Variants in NIBAN2 observed in about 807,000 individuals in gnomAD.
NIBAN2 encodes the protein protein Niban 2.
A neutral mutation model predicts 81.8 loss-of-function variants in NIBAN2; 36 were observed. That is an observed-to-expected ratio of 0.44 (90% confidence interval 0.34 to 0.58). The LOEUF (loss-of-function observed/expected upper bound fraction) is 0.58, where lower values mean the gene tolerates loss of function less well. Among genes scored for constraint, NIBAN2 ranks in the 20% least tolerant of loss-of-function variants. NIBAN2 has a pLI of 0.02. For synonymous variants in NIBAN2, 445 were observed against 441.6 expected (o/e 1.01, Z -0.10); for missense variants, 897 against 1,014.1 (o/e 0.88, Z 1.57).
chr9:127,546,311 G>A (rs902636987), intron 1 of NIBAN2, among the ~76,000 whole-genome samples: 41 of 152,242 alleles, frequency 2.7e-4, no homozygotes, highest in African/African-American at 8.9e-4. Context: ...GCATCCCCAC[G>A]CCTGTCCACA....
intron 1 of NIBAN2, chr9:127,561,085 C>A (rs1837765515): frequency 1.0e-6 from 1 of 981,402 alleles, no homozygotes; most frequent in African/African-American, 1.8e-5. Flanking sequence ...ATCTTCTAAC[C>A]CTTTTCCTCT....
intron 9 of NIBAN2, 119 bp from the exon 10 acceptor site, chr9:127,509,250 G>C (rs1426373136): frequency 2.1e-6 from 2 of 947,884 alleles, no homozygotes; most frequent in East Asian, 2.6e-5. Flanking sequence ...TGCTACCAGG[G>C]ATGGCCACCT....
At chr9:127,521,367 C>G (rs182414205) in intron 5 of NIBAN2, among the ~76,000 whole-genome samples, 2 of 152,276 alleles carry the variant, frequency 1.3e-5, no homozygotes, top group Admixed American at 1.3e-4. Flanking sequence ...TCCCAGGCAG[C>G]AGACAGAGGG....
At position 127,510,028 on chromosome 9, in the gene NIBAN2, C is replaced by G. The variant is rs937003636; in HGVS notation, c.1161+118G>C. ...CCCCTAGTCCCCAGCAGCCCCTCCC[C>G]GTCTACAGGGACGGCCTTGGAGGGG... On this transcript the variant is annotated intron_variant, in intron 9 of 13. Coordinates refer to ENST00000373312, the MANE Select transcript of NIBAN2 (RefSeq NM_022833.4). The G allele has an allele frequency of 2.9e-5, 28 of 961,956 alleles. No homozygotes were observed. The Admixed American group carries it at 4.5e-4, about 16-fold the overall frequency. The allele number at this position is 961,956 out of a possible 1,614,324, so 59.6% of individuals were successfully genotyped here.
intron 1 of NIBAN2, among the ~76,000 whole-genome samples, chr9:127,551,445 C>T (rs1468732475): frequency 2.0e-5 from 3 of 152,104 alleles, no homozygotes; most frequent in African/African-American, 7.2e-5. Context: ...ATCGCTTGAA[C>T]CCAAGAGGCA....
chr9:127,571,871 T>C (rs979781030), upstream of NIBAN2, among the ~76,000 whole-genome samples: 3 of 152,006 alleles, frequency 2.0e-5, no homozygotes, highest in African/African-American at 4.8e-5. Context: ...TGAAGGAGAA[T>C]TGATGGCAAA....
Position 127,508,903 on chromosome 9 carries a change from G to T in NIBAN2, c.1317+73C>A. On this transcript the variant is annotated intron_variant, in intron 10 of 13. Transcript: ENST00000373312. This position sits in a 1 kb window ranked among gnomAD's most constrained non-coding sequence, Gnocchi z 6.4. ...TGGCATGACGGGACGGAGCAGAAGG[G>T]ACCCCCTGGGCGAGGGGGCCTGTGG... 2.6e-6 allele frequency: 4 copies of T among 1,550,940 alleles called. No homozygotes were observed. Among genetic ancestry groups the T allele is most frequent in the South Asian group, 1.1e-5 (1 of 89,544 alleles).
Position 127,517,685 on chromosome 9 carries a change from C to A in NIBAN2, c.705+141G>T. Reference sequence around the variant, plus strand: ...AGTATCTCCACGTGCACTGGCCCTGCACTTGTCCAAATCTAAGCATGTCAT... The same window carrying A: ...AGTATCTCCACGTGCACTGGCCCTGAACTTGTCCAAATCTAAGCATGTCAT... On this transcript the variant is annotated intron_variant, in intron 6 of 13. Coordinates refer to ENST00000373312, the MANE Select transcript of NIBAN2 (RefSeq NM_022833.4). This position sits in a 1 kb window ranked among gnomAD's most constrained non-coding sequence, Gnocchi z 4.0. 1.5e-6 allele frequency: 1 copy of A among 665,010 alleles called. No homozygotes were observed. The highest frequency in any genetic ancestry group is 2.7e-5 in the East Asian group (1 of 36,940). 41.2% of individuals were successfully genotyped at this position (665,010 alleles called of 1,614,324 possible).
intron 1 of NIBAN2, among the ~76,000 whole-genome samples, chr9:127,576,399 A>G (rs1838009311): frequency 6.6e-6 from 1 of 152,100 alleles, no homozygotes; most frequent in Non-Finnish European, 1.5e-5. Context: ...GTTGGATCCA[A>G]CAGCACTGAA....
At chr9:127,524,393 GTTC>G (rs1414506123) in intron 4 of NIBAN2, among the ~76,000 whole-genome samples, 2 of 152,224 alleles carry the variant, frequency 1.3e-5, no homozygotes, top group Non-Finnish European at 2.9e-5. Flanking sequence ...GACAATAACA[GTTC>G]TTCTTTCTGC....
In NIBAN2 at chr9:127,507,419, G is replaced by C. The variant is rs1376579729; in HGVS notation, c.1667C>G (p.Ala556Gly). Residue 556 changes from alanine (A) to glycine (G), a missense_variant, in exon 14 of 14, where the codon GCC becomes GGC. By Grantham distance (60) the Ala-to-Gly change is moderately conservative (BLOSUM62 0). Transcript: ENST00000373312. This position sits in a 1 kb window ranked among gnomAD's most constrained non-coding sequence, Gnocchi z 6.8. Reference protein sequence around the residue: ...MKDILQAVKEAAVQRKHNLYR... With the variant: ...MKDILQAVKEGAVQRKHNLYR... ...GAGGTTGTGCTTCCTCTGCACCGCG[G>C]CCTCCTTCACAGCTACAGGGCCACA... 6.6e-7 allele frequency: 1 copy of C among 1,510,854 alleles called. No homozygotes were observed. Among genetic ancestry groups the C allele is most frequent in the Middle Eastern group, 1.8e-4 (1 of 5,474 alleles). 93.6% of individuals were successfully genotyped at this position (1,510,854 alleles called of 1,614,324 possible).
rs147548410 is a variant in NIBAN2, at chr9:127,525,133, C to T, written c.346G>A (p.Val116Ile). ...AYERQVPPRAVINSAGYKILT... is the reference protein window; with the variant it reads ...AYERQVPPRAIINSAGYKILT... ...ATTTTGTAGCCTGCACTGTTGATGA[C>T]GGCTCGTGGTGGGACCTGCCGCTCA... Residue 116 changes from valine (V) to isoleucine (I), a missense_variant, in exon 4 of 14, where the codon GTC becomes ATC. By Grantham distance (29) the Val-to-Ile change is conservative (BLOSUM62 3). Transcript: ENST00000373312. The T allele has an allele frequency of 1.9e-3, 3,130 of 1,614,048 alleles. 8 individuals are homozygous for T. The highest frequency in any genetic ancestry group is 0.012 in the Middle Eastern group (71 of 6,062).
chr9:127,577,463 A>C (rs1838023668), intron 1 of NIBAN2, among the ~76,000 whole-genome samples: 1 of 141,616 alleles, frequency 7.1e-6, no homozygotes, highest in Non-Finnish European at 1.5e-5. Flanking sequence ...CACACTTCCC[A>C]CACCATCCTC....
chr9:127,553,548 A>G (rs1449765108), intron 1 of NIBAN2, among the ~76,000 whole-genome samples: 1 of 152,256 alleles, frequency 6.6e-6, no homozygotes, highest in Non-Finnish European at 1.5e-5. Context: ...CCTGTGCTAC[A>G]GATGGGTAAG....
At position 127,560,071 on chromosome 9, in the gene NIBAN2, C is replaced by T. The variant is rs1336298291; in HGVS notation, c.55+8749G>A. Reference sequence around the variant, plus strand: ...CATCTCAAACCAGGTCCTCTGACTCCCGGCCTCTTTCTACTCTGCCCTTGG... The same window carrying T: ...CATCTCAAACCAGGTCCTCTGACTCTCGGCCTCTTTCTACTCTGCCCTTGG... On this transcript the variant is annotated intron_variant, in intron 1 of 13. Transcript: ENST00000373312. Among the ~76,000 whole-genome samples the T allele has an allele frequency of 3.9e-5, 6 of 152,294 alleles. No individual in the cohort carries two copies. In the South Asian group the frequency reaches 6.2e-4, roughly 16 times the overall value.
chr9:127,526,797 G>A (rs950840489), intron 3 of NIBAN2, among the ~76,000 whole-genome samples: 1 of 152,178 alleles, frequency 6.6e-6, no homozygotes, highest in Non-Finnish European at 1.5e-5. Context: ...GCCAGATTGT[G>A]CCTCCAACAG....
At chr9:127,561,760 A>T (rs971185725) in intron 1 of NIBAN2, among the ~76,000 whole-genome samples, 1 of 152,228 alleles carries the variant, frequency 6.6e-6, no homozygotes, top group Admixed American at 6.5e-5. Context: ...CCAGTTTTAA[A>T]ATTTTTGAGA....
Position 127,517,722 on chromosome 9 carries a change from C to A in NIBAN2, c.705+104G>T. ...TCTAAGCATGTCATCTCCTTCCAAA[C>A]CGGCAGCGCCCCAGAGCCCCATCTC... On this transcript the variant is annotated intron_variant, in intron 6 of 13. Coordinates refer to ENST00000373312, the MANE Select transcript of NIBAN2 (RefSeq NM_022833.4). This position sits in a 1 kb window ranked among gnomAD's most constrained non-coding sequence, Gnocchi z 4.0. The A allele has an allele frequency of 1.3e-6, 1 of 790,198 alleles. No homozygotes were observed. 48.9% of individuals were successfully genotyped at this position (790,198 alleles called of 1,614,324 possible).
intron 1 of NIBAN2, among the ~76,000 whole-genome samples, chr9:127,577,454 A>G (rs1201567101): frequency 6.8e-6 from 1 of 146,942 alleles, no homozygotes; most frequent in African/African-American, 2.5e-5. Context: ...CCAATACCCC[A>G]CACTTCCCAC....
Sources: gnomAD v4.1 joint callset for allele counts (sites outside exome capture counted in the v4.1 genomes callset) on GRCh38, gnomAD v4.1.1 for gene constraint, Gnocchi (gnomAD v3.1) non-coding constraint, MANE v1.5 for transcripts, NCBI Gene and HGNC (gene_info 2026-07-23, HGNC 2026-07-21) for gene names.